Variants in ASAP1 observed in about 807,000 individuals in gnomAD.
ASAP1 encodes arf-GAP with SH3 domain, ANK repeat and PH domain-containing protein 1.
ASAP1 carries 43 observed loss-of-function variants against 145.2 expected under a neutral mutation model. The ratio of observed to expected loss-of-function variants is 0.30; its 90% CI spans 0.23 to 0.38. The LOEUF (loss-of-function observed/expected upper bound fraction) is 0.38. Ranked by LOEUF, ASAP1 falls within the 10% of genes least tolerant of loss-of-function variation. The pLI is 1.00. For missense variants in ASAP1, 1,018 were observed against 1,355.3 expected, an observed-to-expected ratio of 0.75 and a Z score of 3.91; for synonymous variants, 546 against 515.5, an observed-to-expected ratio of 1.06 and a Z score of -0.80.
chr8:130,351,243 G>A (rs1467796542), intron 3 of ASAP1, among the ~76,000 whole-genome samples: 1 of 152,166 alleles, frequency 6.6e-6, no homozygotes, highest in Non-Finnish European at 1.5e-5. Flanking sequence ...AAATACAGAA[G>A]AAACGGAATG....
At chr8:130,178,353 C>T (rs922747670) in intron 9 of ASAP1, among the ~76,000 whole-genome samples, 3 of 152,062 alleles carry the variant, frequency 2.0e-5, no homozygotes, top group African/African-American at 4.8e-5. Flanking sequence ...CATTTTCACA[C>T]ACAGACTCTA....
intron 3 of ASAP1, among the ~76,000 whole-genome samples, chr8:130,290,343 C>A (rs571845541): frequency 5.1e-4 from 77 of 152,342 alleles, no homozygotes; most frequent in African/African-American, 1.5e-3. Flanking sequence ...GCAAGGCCTA[C>A]AACAGTAGCC....
intron 1 of ASAP1, among the ~76,000 whole-genome samples, chr8:130,417,369 TGCCCTTCCAGGG>T (rs1169095656): frequency 2.0e-5 from 3 of 152,368 alleles, no homozygotes; most frequent in East Asian, 1.9e-4. Context: ...GGTTCCCAGA[TGCCCTTCCAGGG>T]GCCCTTCCAA....
chr8:130,418,604 A>G (rs1829586843), intron 1 of ASAP1, among the ~76,000 whole-genome samples: 1 of 152,168 alleles, frequency 6.6e-6, no homozygotes, highest in African/African-American at 2.4e-5. Flanking sequence ...GGTTTTTAGC[A>G]TAATTCACAG....
intron 28 of ASAP1, among the ~76,000 whole-genome samples, chr8:130,059,168 ATTTTT>A (rs146227431): frequency 6.9e-6 from 1 of 145,070 alleles, no homozygotes; most frequent in Non-Finnish European, 1.5e-5. Flanking sequence ...CAACATTTAA[ATTTTT>A]TTTTTTTTTG....
intron 3 of ASAP1, among the ~76,000 whole-genome samples, chr8:130,306,646 A>G (rs1287126731): frequency 1.3e-5 from 2 of 152,352 alleles, no homozygotes; most frequent in East Asian, 1.9e-4. Context: ...AGCTCTCTGC[A>G]TAAGGTTAAA....
intron 3 of ASAP1, among the ~76,000 whole-genome samples, chr8:130,338,542 A>T (rs1231445401): frequency 6.6e-6 from 1 of 152,220 alleles, no homozygotes; most frequent in African/African-American, 2.4e-5. Flanking sequence ...CAGTCATCCC[A>T]GCAAACACTC....
rs566546123 is a variant in ASAP1 at position 130,345,165 on chromosome 8, T to A, written c.186+12852A>T. ...AAGTGTTGTGTGGACGAAATGAGAA[T>A]ATATTATAACAGAGCGCAGAAATGC... is the stretch of plus-strand genomic sequence containing the variant. On this transcript the variant is annotated intron_variant, in intron 3 of 29. Transcript: ENST00000518721. Among the ~76,000 whole-genome samples, 5 of 152,264 alleles carry A rather than the reference T, an allele frequency of 3.3e-5. 1 individual carries two copies. The highest frequency in any genetic ancestry group is 1.2e-4 in the African/African-American group (5 of 41,532).
At chr8:130,078,563 GGTGAGCCACT>G (rs2097470176) in intron 26 of ASAP1, among the ~76,000 whole-genome samples, 1 of 152,138 alleles carries the variant, frequency 6.6e-6, no homozygotes, top group South Asian at 2.1e-4. Flanking sequence ...TGGGATTACA[GGTGAGCCACT>G]GTGTCCAGCC....
rs199759148 is a variant in ASAP1, at chr8:130,124,017, C to T, written c.1603G>A (p.Asp535Asn). Residue 535 changes from aspartate to asparagine, a missense_variant, in exon 18 of 30, where the codon GAT (aspartate) becomes AAT (asparagine). This residue lies in a region of ASAP1 where 153 missense variants were observed against 221.6 expected (regional missense o/e 0.69). Transcript: ENST00000518721. ...CAATATATCAGAAATACTTACATAT[C>T]ACTTGAAGGGGTGGGTTTTGGTGAG... ...SPSPKPTPSS[D>N]MTVRKEYITA... The T allele has an allele frequency of 2.0e-5, 32 of 1,602,086 alleles. No individual in the cohort carries two copies. The highest frequency in any genetic ancestry group is 2.6e-5 in the Non-Finnish European group (31 of 1,172,472).
At chr8:130,342,847 C>A (rs1402482237) in intron 3 of ASAP1, among the ~76,000 whole-genome samples, 2 of 152,188 alleles carry the variant, frequency 1.3e-5, no homozygotes, top group Admixed American at 1.3e-4. Context: ...ACCCTACACC[C>A]CTCCAGGCAC....
intron 24 of ASAP1, among the ~76,000 whole-genome samples, chr8:130,100,703 C>T (rs1477430703): frequency 2.6e-5 from 4 of 152,132 alleles, no homozygotes; most frequent in Non-Finnish European, 5.9e-5. Flanking sequence ...TATTATTTTG[C>T]TGCTGAATTG....
chr8:130,257,643 T>G (rs1450027025), intron 3 of ASAP1, among the ~76,000 whole-genome samples: 3 of 152,116 alleles, frequency 2.0e-5, no homozygotes, highest in Non-Finnish European at 4.4e-5. Context: ...GGATCTACAG[T>G]CGGTAAATTT....
rs1289941997 is a variant in ASAP1, at chr8:130,115,753, T to G, written c.2065-18A>C. 4.5e-6 allele frequency: 7 copies of G among 1,545,596 alleles called. No individual in the cohort carries two copies. Among genetic ancestry groups the G allele is most frequent in the Non-Finnish European group, 6.2e-6 (7 of 1,120,082 alleles). On this transcript the variant is annotated intron_variant, in intron 22 of 29. Transcript: ENST00000518721. ...TGGGAAAGCTGGAAGGAACAGCAAA[T>G]GTGCACCATTTTAATTTAAATGCTG...
At chr8:130,211,628 G>A (rs747354462) in intron 5 of ASAP1, among the ~76,000 whole-genome samples, 4 of 152,114 alleles carry the variant, frequency 2.6e-5, no homozygotes, top group Non-Finnish European at 4.4e-5. Flanking sequence ...GACCTGGCCC[G>A]CAAATCTATC....
chr8:130,246,632 G>C lies in ASAP1; in HGVS notation c.187-9638C>G, dbSNP rs530456475. On this transcript the variant is annotated intron_variant, in intron 3 of 29. Transcript: ENST00000518721. ...TTCCTGAGGCTTCCCCAGCCACGCGGAACTGTGAGTCAATTAAACGTCTTT... is the reference window on the plus strand; with the variant it reads ...TTCCTGAGGCTTCCCCAGCCACGCGCAACTGTGAGTCAATTAAACGTCTTT... 3.3e-5 allele frequency among the ~76,000 whole-genome samples: 5 copies of C among 152,284 alleles called. No homozygotes were observed. In the South Asian group the frequency reaches 8.3e-4, roughly 25 times the overall value.
rs188951756 is a variant in ASAP1 at position 130,240,015 on chromosome 8, A to T, written c.187-3021T>A. Among the ~76,000 whole-genome samples the T allele has an allele frequency of 1.7e-4, 26 of 152,228 alleles. No homozygotes were observed. In the East Asian group the frequency reaches 4.8e-3, roughly 28 times the overall value. ...ATAACCTATCGGTTATCTTTGGGGG[A>T]ATAATGACTAAAAAAGGATGGCTGT... is the stretch of plus-strand genomic sequence containing the variant. On this transcript the variant is annotated intron_variant, in intron 3 of 29. Transcript: ENST00000518721.
At chr8:130,331,048 T>G (rs934070850) in intron 3 of ASAP1, among the ~76,000 whole-genome samples, 1 of 151,996 alleles carries the variant, frequency 6.6e-6, no homozygotes, top group African/African-American at 2.4e-5. Flanking sequence ...TTCCCCCAGC[T>G]GCAAAAAGGG....
At chr8:130,193,551 GTTGT>G (rs979399074) in intron 5 of ASAP1, among the ~76,000 whole-genome samples, 9 of 152,148 alleles carry the variant, frequency 5.9e-5, no homozygotes, top group Admixed American at 1.3e-4. Flanking sequence ...TATGTAATAT[GTTGT>G]TTATTTAAAA....
Sources: allele counts gnomAD v4.1 joint callset (sites outside exome capture counted in the v4.1 genomes callset), GRCh38; gene constraint gnomAD v4.1.1; regional missense constraint gnomAD v4.1.1; transcripts MANE v1.5; gene names NCBI Gene and HGNC (gene_info 2026-07-23, HGNC 2026-07-21).